AOPEP: variants seen among roughly 807,000 people sequenced by gnomAD.
The protein encoded by AOPEP is aminopeptidase O (putative).
AOPEP carries 77 observed loss-of-function variants against 98.1 expected under a neutral mutation model. That is an observed-to-expected ratio of 0.78 (90% CI 0.65 to 0.95). The LOEUF (loss-of-function observed/expected upper bound fraction) is 0.95. AOPEP is among the 40% of genes least tolerant of loss of function. The pLI is 0.00. For synonymous variants in AOPEP, 346 were observed against 365.3 expected (o/e 0.95, Z 0.60); for missense variants, 1,024 against 1,024.7 (o/e 1.00, Z 0.01).
rs989646321 is a variant in AOPEP at position 95,066,922 on chromosome 9, T to C, written c.2232+6112T>C. 2.0e-4 allele frequency among the ~76,000 whole-genome samples: 30 copies of C among 152,210 alleles called. 1 individual carries two copies. The highest frequency in any genetic ancestry group is 2.1e-4 in the South Asian group (1 of 4,828). ...AGTCAGTAGTTTACATACTTTTGTA[T>C]TGGATTTCTGTTCTGAAATCCACAC... On this transcript the variant is annotated intron_variant, in intron 14 of 16. Coordinates refer to ENST00000375315, the MANE Select transcript of AOPEP (RefSeq NM_001193329.3).
At chr9:95,029,353 C>A (rs1024430152) in intron 13 of AOPEP, among the ~76,000 whole-genome samples, 2 of 152,190 alleles carry the variant, frequency 1.3e-5, no homozygotes, top group Non-Finnish European at 2.9e-5. Flanking sequence ...GGCCTTTGTC[C>A]TTTTGTCTGC....
chr9:94,996,964 T>G lies in AOPEP; in HGVS notation c.1978-8194T>G, dbSNP rs535255148. Among the ~76,000 whole-genome samples the G allele has an allele frequency of 2.2e-4, 34 of 152,306 alleles. No individual in the cohort carries two copies. The South Asian group carries it at 7.0e-3, about 32-fold the overall frequency. ...TAGCCAGCAATCTTCCAAATGCAGA[T>G]GTTCATTTCAAGGGAATGGATGGCA... On this transcript the variant is annotated intron_variant, in intron 11 of 16. Transcript: ENST00000375315.
intron 7 of AOPEP, among the ~76,000 whole-genome samples, chr9:94,937,344 G>A (rs117311089): frequency 1.5e-3 from 229 of 152,284 alleles, no homozygotes; most frequent in South Asian, 2.5e-3. Flanking sequence ...GTCCTCAAGC[G>A]GCCTTTTCTC....
intron 3 of AOPEP, among the ~76,000 whole-genome samples, chr9:94,790,110 C>T (rs1407676941): frequency 1.3e-5 from 2 of 151,608 alleles, no homozygotes; most frequent in African/African-American, 2.4e-5. Context: ...CTCCTGACCT[C>T]GTGATCCGCC....
At chr9:94,876,300 T>C (rs1183747345) in intron 5 of AOPEP, among the ~76,000 whole-genome samples, 2 of 152,070 alleles carry the variant, frequency 1.3e-5, no homozygotes, top group African/African-American at 4.8e-5. Flanking sequence ...CCATCCACCA[T>C]TGAGGATGCC....
chr9:94,780,065 C>T (rs1588170678), intron 3 of AOPEP, among the ~76,000 whole-genome samples: 1 of 152,192 alleles, frequency 6.6e-6, no homozygotes, highest in East Asian at 1.9e-4. Flanking sequence ...CTATGGCCTG[C>T]TGGCTAAATC....
At chr9:94,792,996 A>G in intron 4 of AOPEP, 78 bp downstream of exon 4, 6 of 1,436,332 alleles carry the variant, frequency 4.2e-6, no homozygotes, top group Non-Finnish European at 5.7e-6. Flanking sequence ...TCTTCCAAGC[A>G]CTGGGAATGT....
At chr9:94,770,420 T>C (rs1293743312) in intron 2 of AOPEP, among the ~76,000 whole-genome samples, 1 of 152,190 alleles carries the variant, frequency 6.6e-6, no homozygotes, top group Non-Finnish European at 1.5e-5. Flanking sequence ...TGTCTCTTGC[T>C]CAAAATATCT....
the AOPEP span, among the ~76,000 whole-genome samples, chr9:95,137,197 G>A: frequency 6.6e-6 from 1 of 152,182 alleles, no homozygotes. Context: ...GTGAAGCCCA[G>A]CAACTGGGTC....
At chr9:94,904,727 G>T (rs991094306) in intron 5 of AOPEP, 1 of 152,172 alleles carries the variant, frequency 6.6e-6, no homozygotes, top group Non-Finnish European at 1.5e-5. Flanking sequence ...TTAGCAATAG[G>T]TATCTTTGTA....
chr9:95,110,648 G>A, the AOPEP span: 3 of 1,046,390 alleles, frequency 2.9e-6, no homozygotes, highest in Non-Finnish European at 3.5e-6. Flanking sequence ...TTATTAGTCT[G>A]TGTGTTTTCA....
chr9:94,891,444 T>G (rs562699845), intron 5 of AOPEP, among the ~76,000 whole-genome samples: 49 of 152,318 alleles, frequency 3.2e-4, no homozygotes, highest in African/African-American at 1.2e-3. Flanking sequence ...GCCATTTTAT[T>G]TTTATTTTAT....
the AOPEP span, among the ~76,000 whole-genome samples, chr9:95,106,542 T>C: frequency 6.6e-6 from 1 of 152,236 alleles, no homozygotes; most frequent in African/African-American, 2.4e-5. Flanking sequence ...CATTGCCAAA[T>C]CTAATGTCAC....
At chr9:95,125,183 C>T in the AOPEP span, 2 of 1,613,252 alleles carry the variant, frequency 1.2e-6, no homozygotes, top group African/African-American at 1.3e-5. Context: ...CAGGAGTGCA[C>T]ACCTGAACAA....
chr9:95,092,417 G>A, the AOPEP span, among the ~76,000 whole-genome samples: 1 of 152,128 alleles, frequency 6.6e-6, no homozygotes, highest in East Asian at 1.9e-4. Context: ...CAGGGGGACT[G>A]TCCATTCTGA....
intron 10 of AOPEP, among the ~76,000 whole-genome samples, chr9:94,977,369 A>G (rs1375677973): frequency 1.3e-5 from 2 of 151,802 alleles, no homozygotes; most frequent in East Asian, 1.9e-4. Flanking sequence ...GCAGTACTCT[A>G]TGTCACCTGC....
chr9:94,957,088 A>T (rs1319032990), intron 9 of AOPEP, among the ~76,000 whole-genome samples: 1 of 152,228 alleles, frequency 6.6e-6, no homozygotes, highest in African/African-American at 2.4e-5. Flanking sequence ...AAGAGACTGC[A>T]GTGTTAAATA....
chr9:95,081,372 C>T (rs1051052102), intron 15 of AOPEP, among the ~76,000 whole-genome samples: 2 of 152,222 alleles, frequency 1.3e-5, no homozygotes, highest in Admixed American at 6.5e-5. Flanking sequence ...TCCTGTAACA[C>T]GTCACAGCCT....
At chr9:94,937,436 A>G (rs976624202) in intron 7 of AOPEP, among the ~76,000 whole-genome samples, 1 of 152,122 alleles carries the variant, frequency 6.6e-6, no homozygotes. Context: ...GAATAGGCCC[A>G]CCCTGACAGC....
Sources: allele counts gnomAD v4.1 joint callset (sites outside exome capture counted in the v4.1 genomes callset), GRCh38; gene constraint gnomAD v4.1.1; transcripts MANE v1.5; gene names NCBI Gene and HGNC (gene_info 2026-07-23, HGNC 2026-07-21).